The following EMC3 variants were observed in gnomAD, a reference collection of about 807,000 sequenced individuals.
EMC3 encodes the protein 30 kDa protein.
Under a neutral mutation model 36.6 loss-of-function variants are expected in EMC3, and 13 were observed. The ratio of observed to expected loss-of-function variants is 0.35; its 90% CI spans 0.23 to 0.56. The LOEUF (loss-of-function observed/expected upper bound fraction) is 0.56. Ranked by LOEUF, EMC3 falls within the 20% of genes least tolerant of loss-of-function variation. The probability of loss-of-function intolerance (pLI) is 0.84; values close to 1 mark genes in which losing one functional copy is unlikely to be tolerated. For missense variants in EMC3, 220 were observed against 324.5 expected, an observed-to-expected ratio of 0.68 and a Z score of 2.47; for synonymous variants, 120 against 111.9, an observed-to-expected ratio of 1.07 and a Z score of -0.46.
intron 1 of EMC3, among the ~76,000 whole-genome samples, chr3:10,001,542 C>T (rs2124937716): frequency 6.6e-6 from 1 of 150,926 alleles, no homozygotes; most frequent in East Asian, 2.0e-4. Context: ...TGTGCCACTG[C>T]ACTCCAGCCT....
At chr3:9,986,849 G>C (rs1405947247), upstream of EMC3, 2 of 1,381,950 alleles carry the variant, frequency 1.4e-6, no homozygotes, top group Admixed American at 6.0e-5. Flanking sequence ...CTTCCGGCGC[G>C]AACGTTGACG....
chr3:9,965,031 G>A (rs1282973109), intron 7 of EMC3, among the ~76,000 whole-genome samples: 2 of 151,166 alleles, frequency 1.3e-5, no homozygotes, highest in African/African-American at 4.9e-5. Context: ...GAGCCCAGGA[G>A]TTTGGGACTG....
At chr3:9,984,561 T>C (rs1006373773) in intron 1 of EMC3, among the ~76,000 whole-genome samples, 5 of 151,832 alleles carry the variant, frequency 3.3e-5, no homozygotes, top group Non-Finnish European at 5.9e-5. Flanking sequence ...TCAGCTAATT[T>C]TTTGTATTTT....
intron 1 of EMC3, among the ~76,000 whole-genome samples, chr3:10,009,384 G>C (rs1388089204): frequency 3.3e-5 from 5 of 152,222 alleles, no homozygotes; most frequent in African/African-American, 9.7e-5. Context: ...GGCCTAGCCA[G>C]GACTCAGGTT....
chr3:10,007,028 A>T (rs1043021825), intron 1 of EMC3: 3 of 287,092 alleles, frequency 1.0e-5, no homozygotes, highest in Non-Finnish European at 2.1e-5. Context: ...TTAGGTGGCA[A>T]ATGGGTCACA....
At chr3:9,975,227 A>C (rs13096737) in intron 3 of EMC3, among the ~76,000 whole-genome samples, 3,008 of 152,216 alleles carry the variant, frequency 0.02, 57 homozygotes, top group East Asian at 0.073. Flanking sequence ...TTTTGAGTAG[A>C]CCTATCGATT....
At chr3:9,990,325 C>CTCT (rs756491768), upstream of EMC3, among the ~76,000 whole-genome samples, 4 of 88,708 alleles carry the variant, frequency 4.5e-5, no homozygotes, top group African/African-American at 2.3e-4. Context: ...GGGCCTTTCT[C>CTCT]TTTTTTTTTT....
At chr3:9,986,938 A>G, upstream of EMC3, 1 of 1,217,848 alleles carries the variant, frequency 8.2e-7, no homozygotes, top group Non-Finnish European at 1.0e-6. Context: ...GCGGTGGCCC[A>G]GGCTCGGTGG....
chr3:9,996,832 C>A (rs539154592), intron 1 of EMC3, among the ~76,000 whole-genome samples: 3 of 152,118 alleles, frequency 2.0e-5, no homozygotes, highest in Non-Finnish European at 4.4e-5. Flanking sequence ...TTCCTTTCCC[C>A]TCTTGTTCTA....
At chr3:9,980,307 C>T (rs931716371) in intron 1 of EMC3, among the ~76,000 whole-genome samples, 2 of 151,876 alleles carry the variant, frequency 1.3e-5, no homozygotes, top group Non-Finnish European at 2.9e-5. Flanking sequence ...AAAAACCATG[C>T]CCAGCCAGGT....
chr3:9,991,989 A>G (rs1333265335), intron 1 of EMC3, among the ~76,000 whole-genome samples: 2 of 152,090 alleles, frequency 1.3e-5, no homozygotes, highest in African/African-American at 4.8e-5. Flanking sequence ...CAGGAGGCGG[A>G]TCTCAGTGGT....
chr3:9,974,645 G>A (rs1303167966), intron 3 of EMC3, among the ~76,000 whole-genome samples, 157 bp from the exon 4 acceptor site: 8 of 151,678 alleles, frequency 5.3e-5, no homozygotes, highest in African/African-American at 1.7e-4. Context: ...TGCAAGCTCC[G>A]CCTCCCAGGT....
intron 1 of EMC3, chr3:10,008,687 A>C (rs910987746): frequency 2.9e-6 from 1 of 350,180 alleles, no homozygotes; most frequent in Non-Finnish European, 5.7e-6. Context: ...TTTGCTGTTT[A>C]CCCCGTCCCA....
At chr3:9,985,720 C>G (rs974849854) in intron 1 of EMC3, among the ~76,000 whole-genome samples, 6 of 152,002 alleles carry the variant, frequency 3.9e-5, no homozygotes, top group Admixed American at 2.6e-4. Flanking sequence ...ATGGTGAAAC[C>G]CTGTCTCTAC....
chr3:10,010,798 G>A (rs1030714455), intron 1 of EMC3: 11 of 152,498 alleles, frequency 7.2e-5, no homozygotes, highest in African/African-American at 2.4e-4. Context: ...GGGTCAGCCC[G>A]GGGCAGGGCT....
upstream of EMC3, among the ~76,000 whole-genome samples, chr3:9,990,604 G>A (rs1039286508): frequency 2.6e-5 from 4 of 151,708 alleles, no homozygotes; most frequent in Admixed American, 6.6e-5. Context: ...CTGGCCCCTG[G>A]GTTGAAGCAA....
chr3:10,008,633 A>G (rs1575708922), intron 1 of EMC3: 2 of 389,534 alleles, frequency 5.1e-6, no homozygotes, highest in East Asian at 7.3e-5. Flanking sequence ...AGAGAGATCA[A>G]GTAGCATCCC....
intron 1 of EMC3, among the ~76,000 whole-genome samples, chr3:9,983,594 C>A (rs956626268): frequency 6.6e-6 from 1 of 151,994 alleles, no homozygotes; most frequent in African/African-American, 2.4e-5. Flanking sequence ...ATCACTTCAG[C>A]TGGGGAGGCA....
chr3:9,997,684 G>A (rs1442586443), intron 1 of EMC3, among the ~76,000 whole-genome samples: 2 of 151,542 alleles, frequency 1.3e-5, no homozygotes, highest in Non-Finnish European at 2.9e-5. Context: ...GGTCTCAAAC[G>A]GCTGACCTCA....
Sources: allele counts gnomAD v4.1 joint callset (sites outside exome capture counted in the v4.1 genomes callset), GRCh38; gene constraint gnomAD v4.1.1; transcripts MANE v1.5; gene names NCBI Gene and HGNC (gene_info 2026-07-23, HGNC 2026-07-21).